The following MAK variants were observed in gnomAD, a reference collection of about 807,000 sequenced individuals.
MAK encodes the protein serine/threonine-protein kinase MAK.
In MAK, 65 loss-of-function variants were observed where a neutral mutation model predicts 82.6. That is an observed-to-expected ratio of 0.79 (90% CI 0.64 to 0.97). MAK has a LOEUF of 0.97. MAK is among the 50% of genes least tolerant of loss of function. The pLI is 0.00. For missense variants in MAK, 703 were observed against 780.2 expected, an observed-to-expected ratio of 0.90 and a Z score of 1.18; for synonymous variants, 250 against 274.2, an observed-to-expected ratio of 0.91 and a Z score of 0.87.
At chr6:10,814,781 C>T (rs1429448288) in intron 4 of MAK, among the ~76,000 whole-genome samples, 1 of 149,950 alleles carries the variant, frequency 6.7e-6, no homozygotes, top group South Asian at 2.1e-4. Flanking sequence ...CATGGTGGCT[C>T]ATGCCTGTAA....
chr6:10,799,382 A>G (rs1775835355), intron 8 of MAK, among the ~76,000 whole-genome samples: 1 of 152,168 alleles, frequency 6.6e-6, no homozygotes, highest in Non-Finnish European at 1.5e-5. Context: ...TTCATGTCCC[A>G]TTACTACTTT....
chr6:10,788,498 G>A (rs1277682286), intron 10 of MAK, among the ~76,000 whole-genome samples: 3 of 152,148 alleles, frequency 2.0e-5, no homozygotes, highest in Non-Finnish European at 4.4e-5. Context: ...TTTGGAGGCC[G>A]AGGCAGGTGG....
At chr6:10,767,297 T>G (rs1052769752) in intron 14 of MAK, among the ~76,000 whole-genome samples, 1 of 152,200 alleles carries the variant, frequency 6.6e-6, no homozygotes, top group East Asian at 1.9e-4. Flanking sequence ...ATCATAATAG[T>G]ACCTCCTGGA....
At chr6:10,783,932 T>C (rs562707519) in intron 11 of MAK, among the ~76,000 whole-genome samples, 1 of 152,184 alleles carries the variant, frequency 6.6e-6, no homozygotes, top group South Asian at 2.1e-4. Flanking sequence ...GGCAGGAGAA[T>C]GGCTTAAACC....
At chr6:10,768,601 T>A (rs770294092) in intron 14 of MAK, among the ~76,000 whole-genome samples, 3 of 152,106 alleles carry the variant, frequency 2.0e-5, no homozygotes, top group African/African-American at 4.8e-5. Context: ...AAATTTTATA[T>A]TTCATATAAA....
At chr6:10,789,294 G>C (rs1774875139) in intron 10 of MAK, among the ~76,000 whole-genome samples, 2 of 152,078 alleles carry the variant, frequency 1.3e-5, no homozygotes, top group South Asian at 4.2e-4. Context: ...TAACACAACT[G>C]TTCTTCCTAT....
intron 9 of MAK, among the ~76,000 whole-genome samples, chr6:10,794,011 T>A (rs1775305373): frequency 6.6e-6 from 1 of 152,320 alleles, no homozygotes; most frequent in South Asian, 2.1e-4. Context: ...CTGAGAGTTA[T>A]CAGTCATTGG....
intron 2 of MAK, among the ~76,000 whole-genome samples, chr6:10,828,065 A>C (rs1581771949): frequency 6.6e-6 from 1 of 152,332 alleles, no homozygotes; most frequent in Admixed American, 6.5e-5. Flanking sequence ...GAATTTTATT[A>C]AGCCTATTCA....
chr6:10,779,679 C>CT (rs1561939620), intron 11 of MAK, among the ~76,000 whole-genome samples: 1 of 151,974 alleles, frequency 6.6e-6, no homozygotes, highest in Non-Finnish European at 1.5e-5. Flanking sequence ...AGGATTGTTT[C>CT]TTTTTTTAAA....
intron 2 of MAK, among the ~76,000 whole-genome samples, chr6:10,821,509 C>T (rs1166410790): frequency 2.0e-5 from 3 of 151,894 alleles, no homozygotes. Context: ...TTCCTGACCT[C>T]AGGTAATCCG....
At chr6:10,823,201 G>A (rs1310242569) in intron 2 of MAK, among the ~76,000 whole-genome samples, 1 of 152,194 alleles carries the variant, frequency 6.6e-6, no homozygotes, top group African/African-American at 2.4e-5. Context: ...CAAAAGCAGA[G>A]GGCCAGCATT....
In MAK at chr6:10,793,559, G is replaced by T. The variant is rs535189806; in HGVS notation, c.1144-1712C>A. The stretch of plus-strand genomic sequence containing the variant: ...TAGAGATGAAATACACAAGTCAGAG[G>T]TACAGAATATGCAATTTAGGAGAAG... On this transcript the variant is annotated intron_variant, in intron 9 of 14. Coordinates refer to ENST00000354489, the MANE Select transcript of MAK (RefSeq NM_001242957.3). This position sits in a 1 kb window ranked among gnomAD's most constrained non-coding sequence, Gnocchi z 4.6. 2.8e-4 allele frequency among the ~76,000 whole-genome samples: 42 copies of T among 152,236 alleles called. No homozygotes were observed. The highest frequency in any genetic ancestry group is 1.0e-3 in the African/African-American group (42 of 41,540).
intron 8 of MAK, 64 bp downstream of exon 8, chr6:10,801,827 GA>G: frequency 3.3e-6 from 5 of 1,508,150 alleles, no homozygotes; most frequent in Non-Finnish European, 4.6e-6. Flanking sequence ...CTTTGTAAAT[GA>G]AAACATCCCT....
Position 10,800,459 on chromosome 6 carries a change from C to T in MAK, c.831+1433G>A, listed in dbSNP as rs576772905. Reference sequence around the variant, plus strand: ...TGGTTTCTTCTATTATTTTTATACCCGTGTTTTTTCACCTTGAGATCAAAT... The same window carrying T: ...TGGTTTCTTCTATTATTTTTATACCTGTGTTTTTTCACCTTGAGATCAAAT... On this transcript the variant is annotated intron_variant, in intron 8 of 14. Coordinates refer to ENST00000354489, the MANE Select transcript of MAK (RefSeq NM_001242957.3). The surrounding 1 kb of genome is among the most constrained non-coding windows in gnomAD (Gnocchi z 4.2). 7.9e-4 allele frequency among the ~76,000 whole-genome samples: 119 copies of T among 150,920 alleles called. No homozygotes were observed. Among genetic ancestry groups the T allele is most frequent in the African/African-American group, 2.6e-3 (107 of 40,604 alleles).
intron 2 of MAK, among the ~76,000 whole-genome samples, chr6:10,823,032 A>T (rs1386421957): frequency 1.3e-5 from 2 of 152,188 alleles, no homozygotes; most frequent in African/African-American, 4.8e-5. Flanking sequence ...CCTCCAACAC[A>T]TCCTAGCCAG....
At chr6:10,828,834 A>G (rs961253210) in intron 2 of MAK, among the ~76,000 whole-genome samples, 8 of 152,180 alleles carry the variant, frequency 5.3e-5, no homozygotes, top group Non-Finnish European at 1.0e-4. Context: ...AGACATGCAC[A>G]ACGAGAAGAT....
At chr6:10,809,236 AT>A (rs1185469678) in intron 5 of MAK, among the ~76,000 whole-genome samples, 8 of 152,280 alleles carry the variant, frequency 5.3e-5, no homozygotes, top group African/African-American at 1.9e-4. Flanking sequence ...TGGGCTAGGT[AT>A]TACCACACTA....
At chr6:10,795,196 A>C (rs1403936015) in intron 9 of MAK, among the ~76,000 whole-genome samples, 1 of 152,102 alleles carries the variant, frequency 6.6e-6, no homozygotes, top group Non-Finnish European at 1.5e-5. Context: ...TCACGCCTGT[A>C]ATCCCAGCAC....
intron 1 of MAK, among the ~76,000 whole-genome samples, chr6:10,837,314 C>G (rs190792849): frequency 1.3e-5 from 2 of 152,348 alleles, no homozygotes; most frequent in East Asian, 3.9e-4. Context: ...AAAACAAAGA[C>G]TGTATCTTAA....
Sources: allele counts gnomAD v4.1 joint callset (sites outside exome capture counted in the v4.1 genomes callset), GRCh38; gene constraint gnomAD v4.1.1; non-coding constraint Gnocchi (gnomAD v3.1); transcripts MANE v1.5; gene names NCBI Gene and HGNC (gene_info 2026-07-23, HGNC 2026-07-21).